Variants in EHBP1 observed in about 807,000 individuals in gnomAD.
EHBP1 encodes EH domain-binding protein 1.
In EHBP1, 55 loss-of-function variants were observed where a neutral mutation model predicts 144.0. The observed-to-expected ratio is 0.38, with a 90% CI of 0.31 to 0.48. The LOEUF (loss-of-function observed/expected upper bound fraction) is 0.48. Ranked by LOEUF, EHBP1 falls within the 20% of genes least tolerant of loss-of-function variation. The pLI, the probability that EHBP1 is intolerant of heterozygous loss-of-function variation, is 0.98. For missense variants in EHBP1, 1,200 were observed against 1,364.2 expected, an observed-to-expected ratio of 0.88 and a Z score of 1.90; for synonymous variants, 469 against 472.7, an observed-to-expected ratio of 0.99 and a Z score of 0.10.
intron 5 of EHBP1, among the ~76,000 whole-genome samples, chr2:62,824,674 C>G (rs2046223534): frequency 6.6e-6 from 1 of 151,974 alleles, no homozygotes; most frequent in Non-Finnish European, 1.5e-5. Context: ...TATCTACATG[C>G]ACTAATAGTT....
chr2:63,037,402 C>G (rs1469802956), intron 19 of EHBP1, 133 bp from the exon 20 acceptor site: 2 of 574,852 alleles, frequency 3.5e-6, no homozygotes, highest in Admixed American at 3.7e-5. Context: ...AGACTTTAAC[C>G]TTCTTATAAG....
At chr2:62,771,136 C>G (rs1484810114) in intron 4 of EHBP1, among the ~76,000 whole-genome samples, 1 of 152,026 alleles carries the variant, frequency 6.6e-6, no homozygotes, top group African/African-American at 2.4e-5. Context: ...ATGTAACAAA[C>G]CTGCACATAT....
chr2:62,747,024 C>G (rs533551871), intron 2 of EHBP1, among the ~76,000 whole-genome samples: 8 of 151,990 alleles, frequency 5.3e-5, no homozygotes, highest in African/African-American at 1.9e-4. Flanking sequence ...TTGCAAGTGC[C>G]CTTTTTATGC....
At chr2:62,857,357 C>G (rs1205947407) in intron 7 of EHBP1, among the ~76,000 whole-genome samples, 2 of 151,840 alleles carry the variant, frequency 1.3e-5, no homozygotes, top group African/African-American at 4.8e-5. Flanking sequence ...TTTTTGTGTC[C>G]GAAGAATAGG....
At chr2:62,904,928 G>C (rs1484077566) in intron 10 of EHBP1, among the ~76,000 whole-genome samples, 1 of 152,078 alleles carries the variant, frequency 6.6e-6, no homozygotes. Context: ...ATATTCTAGA[G>C]AGTTAGAAAG....
chr2:62,960,208 C>G (rs185655628), intron 14 of EHBP1, among the ~76,000 whole-genome samples: 1 of 152,152 alleles, frequency 6.6e-6, no homozygotes, highest in African/African-American at 2.4e-5. Context: ...TTCCCAACTA[C>G]TCAGCATGGC....
At chr2:62,982,000 A>T (rs191965775) in intron 15 of EHBP1, among the ~76,000 whole-genome samples, 3 of 152,274 alleles carry the variant, frequency 2.0e-5, no homozygotes, top group Admixed American at 2.0e-4. Flanking sequence ...GACCTAAGAC[A>T]AATGACGCAG....
At chr2:62,866,214 G>A (rs1489333698) in intron 9 of EHBP1, among the ~76,000 whole-genome samples, 1 of 152,222 alleles carries the variant, frequency 6.6e-6, no homozygotes, top group Non-Finnish European at 1.5e-5. Flanking sequence ...ACCTAACAAA[G>A]CTTAAAGGCA....
chr2:62,748,291 T>C (rs192763909), intron 3 of EHBP1, among the ~76,000 whole-genome samples: 4 of 152,258 alleles, frequency 2.6e-5, no homozygotes, highest in Admixed American at 2.6e-4. Context: ...CTTTTGGTAC[T>C]GATAATTTTG....
At chr2:62,885,075 A>T (rs1558855572) in intron 10 of EHBP1, among the ~76,000 whole-genome samples, 1 of 152,234 alleles carries the variant, frequency 6.6e-6, no homozygotes, top group East Asian at 1.9e-4. Context: ...CACAACAATT[A>T]TTTGTATATC....
At chr2:62,805,409 A>G (rs2044361765) in intron 5 of EHBP1, among the ~76,000 whole-genome samples, 1 of 151,566 alleles carries the variant, frequency 6.6e-6, no homozygotes, top group Non-Finnish European at 1.5e-5. Flanking sequence ...AACAAAATGT[A>G]AAAATACATA....
intron 5 of EHBP1, among the ~76,000 whole-genome samples, chr2:62,778,166 C>CT (rs1047649661): frequency 1.5e-4 from 23 of 152,182 alleles, no homozygotes; most frequent in Non-Finnish European, 3.4e-4. Flanking sequence ...CCACTAGTCC[C>CT]TTTTTTATTG....
intron 19 of EHBP1, among the ~76,000 whole-genome samples, chr2:62,997,427 CATGT>C (rs377711020): frequency 0.18 from 25,843 of 139,698 alleles, 2,697 homozygotes; most frequent in Admixed American, 0.23. Context: ...GAAAGGAACT[CATGT>C]GTGTGTGTGT....
At chr2:62,769,853 C>G (rs2041511139) in intron 4 of EHBP1, among the ~76,000 whole-genome samples, 1 of 148,550 alleles carries the variant, frequency 6.7e-6, no homozygotes, top group East Asian at 2.0e-4. Flanking sequence ...ATAGATAACC[C>G]AGAAACAAGG....
intron 10 of EHBP1, among the ~76,000 whole-genome samples, chr2:62,891,882 A>G (rs1296970545): frequency 1.3e-5 from 2 of 152,164 alleles, no homozygotes; most frequent in African/African-American, 4.8e-5. Flanking sequence ...AAACCTCTCT[A>G]ATAATGATCT....
chr2:62,864,104 T>TC (rs2049863752), intron 8 of EHBP1, among the ~76,000 whole-genome samples: 1 of 152,100 alleles, frequency 6.6e-6, no homozygotes, highest in African/African-American at 2.4e-5. Flanking sequence ...CACCTCGGCC[T>TC]CCCAAAGAGT....
intron 2 of EHBP1, among the ~76,000 whole-genome samples, chr2:62,729,465 A>AT (rs1453123904): frequency 5.0e-5 from 6 of 119,372 alleles, no homozygotes; most frequent in African/African-American, 1.7e-4. Flanking sequence ...TATAATATAT[A>AT]AATATATAAA....
intron 10 of EHBP1, among the ~76,000 whole-genome samples, chr2:62,877,947 G>A (rs950607123): frequency 6.6e-6 from 1 of 152,074 alleles, no homozygotes; most frequent in Non-Finnish European, 1.5e-5. Context: ...CAAACCAACC[G>A]AAAGCTAGCA....
At chr2:62,917,449 TGCACACAGATGCACATGTGTGTGC>T (rs1444032985) in intron 10 of EHBP1, among the ~76,000 whole-genome samples, 2 of 152,152 alleles carry the variant, frequency 1.3e-5, no homozygotes, top group African/African-American at 4.8e-5. Context: ...TGCGCACGTG[TGCACACAGATGCACATGTGTGTGC>T]GCACACACAC....
Sources: gnomAD v4.1 joint callset for allele counts (sites outside exome capture counted in the v4.1 genomes callset) on GRCh38, gnomAD v4.1.1 for gene constraint, MANE v1.5 for transcripts, NCBI Gene and HGNC (gene_info 2026-07-23, HGNC 2026-07-21) for gene names.